The following RAG1 variants were observed in gnomAD, a reference collection of about 807,000 sequenced individuals.
The protein encoded by RAG1 is recombination activating 1.
Under a neutral mutation model 62.7 loss-of-function variants are expected in RAG1, and 35 were observed. That is an observed-to-expected ratio of 0.56 (90% CI 0.43 to 0.74). The LOEUF (loss-of-function observed/expected upper bound fraction) is 0.74, where lower values mean the gene tolerates loss of function less well. Among genes scored for constraint, RAG1 ranks in the 30% least tolerant of loss-of-function variants. RAG1 has a pLI of 0.00. For synonymous variants in RAG1, 461 were observed against 470.3 expected (o/e 0.98, Z 0.26); for missense variants, 1,169 against 1,278.6 (o/e 0.91, Z 1.31).
chr11:36,520,016 T>G (rs1032152208), intron 1 of RAG1: 2 of 152,210 alleles, frequency 1.3e-5, no homozygotes, highest in Non-Finnish European at 2.9e-5. Context: ...AACATAGTCT[T>G]GCTGTTTATG....
chr11:36,523,694 C>T (rs1860115616), intron 2 of RAG1, among the ~76,000 whole-genome samples: 1 of 152,162 alleles, frequency 6.6e-6, no homozygotes, highest in Non-Finnish European at 1.5e-5. Context: ...CATCCCGGAT[C>T]CAGTCCAAGT....
rs1860082464 is a variant in RAG1 at position 36,521,679 on chromosome 11, T to C, written n.428+1450T>C. Reference sequence around the variant, plus strand: ...GATAACAGGGAGAGGTTGGAACAGCTTGGAGGGCTCAGAAGAAGACAGGAA... The same window carrying C: ...GATAACAGGGAGAGGTTGGAACAGCCTGGAGGGCTCAGAAGAAGACAGGAA... On this transcript the variant is annotated intron_variant and non_coding_transcript_variant, in intron 2 of 2. Coordinates refer to the RAG1 transcript ENST00000529126. Among the ~76,000 whole-genome samples the C allele has an allele frequency of 1.3e-5, 2 of 152,166 alleles. 1 individual carries two copies. Among genetic ancestry groups the C allele is most frequent in the South Asian group, 4.2e-4 (2 of 4,812 alleles).
At chr11:36,520,930 G>T (rs571241926) in intron 2 of RAG1, among the ~76,000 whole-genome samples, 1 of 148,308 alleles carries the variant, frequency 6.7e-6, no homozygotes, top group Non-Finnish European at 1.5e-5. Context: ...TAATTATATG[G>T]TTTGGCCTGT....
chr11:36,547,697 C>A (rs904282746), intron 3 of RAG1, among the ~76,000 whole-genome samples: 3 of 152,116 alleles, frequency 2.0e-5, no homozygotes, highest in South Asian at 4.1e-4. Flanking sequence ...ACCAGAGGTA[C>A]AAAGAGGAGC....
rs765578408 is a variant in RAG1 at position 36,575,526 on chromosome 11, C to T, written c.2222C>T (p.Ser741Phe). ...TLCDATRLEA[S>F]QNLVFHSITR... ...TGTGATGCCACCCGTCTGGAAGCCT[C>T]TCAAAATCTTGTCTTCCACTCTATA... The change falls in exon 2 of 2, where the codon TCT becomes TTT. Residue 741 changes from serine to phenylalanine, a missense_variant. By Grantham distance (155) the Ser-to-Phe change is radical. Coordinates refer to ENST00000299440, the MANE Select transcript of RAG1 (RefSeq NM_000448.3). The surrounding 1 kb of genome is among the most constrained non-coding windows in gnomAD (Gnocchi z 4.1). 5.0e-6 allele frequency: 8 copies of T among 1,614,220 alleles called. No homozygotes were observed. The highest frequency in any genetic ancestry group is 5.9e-6 in the Non-Finnish European group (7 of 1,180,044).
chr11:36,572,858 G>C (rs990283630), intron 1 of RAG1, among the ~76,000 whole-genome samples: 1 of 152,174 alleles, frequency 6.6e-6, no homozygotes, highest in Admixed American at 6.5e-5. Flanking sequence ...ACATTGTCCA[G>C]CTAGTACAAT....
At chr11:36,537,400 T>C (rs1860349311), downstream of RAG1, among the ~76,000 whole-genome samples, 1 of 152,172 alleles carries the variant, frequency 6.6e-6, no homozygotes, top group Non-Finnish European at 1.5e-5. Flanking sequence ...CATGGGTGTA[T>C]ATACATGTCA....
chr11:36,550,533 G>T (rs1850466905), intron 3 of RAG1, among the ~76,000 whole-genome samples: 1 of 152,196 alleles, frequency 6.6e-6, no homozygotes, highest in East Asian at 1.9e-4. Flanking sequence ...ACATATATTG[G>T]TTAGGACTTA....
intron 3 of RAG1, among the ~76,000 whole-genome samples, chr11:36,550,211 A>G (rs1410519190): frequency 6.6e-6 from 1 of 152,156 alleles, no homozygotes; most frequent in Non-Finnish European, 1.5e-5. Flanking sequence ...GTGTATACCT[A>G]TGTAACAAAC....
At position 36,515,293 on chromosome 11, in the gene RAG1, C is replaced by T. The variant is rs563005705; in HGVS notation, n.330+4255C>T. On this transcript the variant is annotated intron_variant and non_coding_transcript_variant, in intron 1 of 2. Coordinates refer to the RAG1 transcript ENST00000529126. ...GTAATTAAAAGGCGAAAGAGGAATT[C>T]GATATGATGGGACCTAGGCAAGGTC... Among the ~76,000 whole-genome samples, 9 of 151,118 alleles carry T rather than the reference C, an allele frequency of 6.0e-5. No individual in the cohort carries two copies. The East Asian group carries it at 1.2e-3, about 20-fold the overall frequency.
intron 2 of RAG1, among the ~76,000 whole-genome samples, chr11:36,535,205 G>A (rs988271045): frequency 2.0e-5 from 3 of 150,876 alleles, no homozygotes; most frequent in Non-Finnish European, 4.4e-5. Context: ...CAATTCCATG[G>A]ATTCTGTGTC....
chr11:36,548,858 C>A (rs936128827), intron 3 of RAG1, among the ~76,000 whole-genome samples: 11 of 152,168 alleles, frequency 7.2e-5, no homozygotes, highest in Non-Finnish European at 1.5e-4. Context: ...CATCACCCTA[C>A]CTGACTTCAA....
At chr11:36,513,606 C>A (rs1187322265) in intron 1 of RAG1, among the ~76,000 whole-genome samples, 3 of 152,166 alleles carry the variant, frequency 2.0e-5, no homozygotes, top group Non-Finnish European at 4.4e-5. Flanking sequence ...AGTCTGTTCT[C>A]ACACAGCTGA....
chr11:36,520,275 AT>A (rs111611121), intron 2 of RAG1: 108 of 147,096 alleles, frequency 7.3e-4, no homozygotes, highest in Middle Eastern at 3.5e-3. Flanking sequence ...TTATTTTTTA[AT>A]TTTTTTTTTT....
chr11:36,520,432 C>A lies in RAG1; in HGVS notation n.428+203C>A, dbSNP rs375059617. Among the ~76,000 whole-genome samples the A allele has an allele frequency of 2.6e-5, 4 of 152,256 alleles. No individual in the cohort carries two copies. The East Asian group carries it at 7.7e-4, about 29-fold the overall frequency. On this transcript the variant is annotated intron_variant and non_coding_transcript_variant, in intron 2 of 2. Transcript: ENST00000529126. ...TACAGGCTCGTGTCACCACGCCCAG[C>A]TAATTTTTTGTATTTTTGTATTTTT...
intron 1 of RAG1, among the ~76,000 whole-genome samples, chr11:36,519,102 T>C (rs1467115319): frequency 6.6e-6 from 1 of 152,202 alleles, no homozygotes; most frequent in Non-Finnish European, 1.5e-5. Flanking sequence ...AATGGTTATT[T>C]GAGGGTGATA....
intron 1 of RAG1, among the ~76,000 whole-genome samples, chr11:36,513,799 T>C (rs999924417): frequency 2.6e-5 from 4 of 152,136 alleles, no homozygotes; most frequent in African/African-American, 9.7e-5. Flanking sequence ...AACCATCAGA[T>C]CTTGTGAGAC....
At chr11:36,562,692 T>C (rs1850606789) in intron 3 of RAG1, among the ~76,000 whole-genome samples, 1 of 152,174 alleles carries the variant, frequency 6.6e-6, no homozygotes, top group Non-Finnish European at 1.5e-5. Context: ...ATAAGGGACC[T>C]GATCTCCACT....
chr11:36,558,191 CAT>C (rs1365314210), intron 3 of RAG1, among the ~76,000 whole-genome samples: 2 of 152,146 alleles, frequency 1.3e-5, no homozygotes, highest in African/African-American at 4.8e-5. Context: ...TGTGGCATAA[CAT>C]ATAATCTATC....
Sources: allele counts gnomAD v4.1 joint callset (sites outside exome capture counted in the v4.1 genomes callset), GRCh38; gene constraint gnomAD v4.1.1; non-coding constraint Gnocchi (gnomAD v3.1); transcripts MANE v1.5; gene names NCBI Gene and HGNC (gene_info 2026-07-23, HGNC 2026-07-21).